ACER3: variants seen among roughly 807,000 people sequenced by gnomAD.
ACER3 encodes the protein alkCDase 3.
A neutral mutation model predicts 48.9 loss-of-function variants in ACER3; 16 were observed. The observed-to-expected ratio is 0.33, with a 90% CI of 0.22 to 0.50. The LOEUF is 0.50. Ranked by LOEUF, ACER3 falls within the 20% of genes least tolerant of loss-of-function variation. The pLI is 0.98. For missense variants in ACER3, 227 were observed against 326.0 expected (o/e 0.70, Z 2.34); for synonymous variants, 109 against 107.8 (o/e 1.01, Z -0.07).
At chr11:76,890,135 G>T (rs916037754) in intron 1 of ACER3, among the ~76,000 whole-genome samples, 5 of 152,030 alleles carry the variant, frequency 3.3e-5, no homozygotes, top group Non-Finnish European at 7.4e-5. Flanking sequence ...GTCTATGAGG[G>T]GAGGGCCCCT....
chr11:77,009,748 C>T (rs1191118322), intron 7 of ACER3, among the ~76,000 whole-genome samples: 1 of 152,124 alleles, frequency 6.6e-6, no homozygotes, highest in Non-Finnish European at 1.5e-5. Context: ...GGAGCCAAGG[C>T]TGCAGTGAGT....
At chr11:76,893,598 T>A (rs558084513) in intron 1 of ACER3, among the ~76,000 whole-genome samples, 45 of 152,180 alleles carry the variant, frequency 3.0e-4, no homozygotes, top group Middle Eastern at 6.8e-3. Context: ...GGCAAAGGAA[T>A]GCTTGAGCCC....
chr11:77,005,998 T>TATATATATATACATATATATATATATATA, intron 7 of ACER3, among the ~76,000 whole-genome samples: 1 of 103,982 alleles, frequency 9.6e-6, no homozygotes, highest in African/African-American at 3.1e-5. Context: ...TATATTTTTT[T>TATATATATATACATATATATATATATATA]TTTTTTTTGA....
rs187400968 is a variant in ACER3 at position 77,005,225 on chromosome 11, A to G, written c.497+6404A>G. On this transcript the variant is annotated intron_variant, in intron 7 of 10. Transcript: ENST00000532485. The stretch of plus-strand genomic sequence containing the variant: ...CTAATTTTTTGTATTTTTAGTAGAG[A>G]CGGGTTTCACCGTGTTAGCCAGGAT... 1.7e-3 allele frequency among the ~76,000 whole-genome samples: 264 copies of G among 151,914 alleles called. 3 individuals carry two copies. In the East Asian group the frequency reaches 0.038, roughly 22 times the overall value.
At chr11:76,890,924 C>A (rs550786263) in intron 1 of ACER3, among the ~76,000 whole-genome samples, 2 of 151,728 alleles carry the variant, frequency 1.3e-5, no homozygotes, top group Admixed American at 1.3e-4. Context: ...GTTCGAGACC[C>A]GTGGCCAATA....
intron 2 of ACER3, among the ~76,000 whole-genome samples, chr11:76,934,126 G>A (rs991271085): frequency 9.9e-5 from 15 of 151,352 alleles, no homozygotes; most frequent in Non-Finnish European, 1.8e-4. Flanking sequence ...TTCCTAGATG[G>A]GAGGGCGGCC....
chr11:76,994,520 C>T (rs756884464), intron 6 of ACER3, among the ~76,000 whole-genome samples: 38 of 152,242 alleles, frequency 2.5e-4, no homozygotes, highest in Non-Finnish European at 4.1e-4. Flanking sequence ...CCTGCCTTGG[C>T]ATCCCAAAGT....
intron 2 of ACER3, among the ~76,000 whole-genome samples, chr11:76,936,205 A>G (rs975167929): frequency 4.6e-5 from 7 of 152,228 alleles, no homozygotes; most frequent in Non-Finnish European, 1.0e-4. Flanking sequence ...TTAGAATAGT[A>G]TAGCACTGAT....
At chr11:77,019,927 C>A in intron 10 of ACER3, 151 bp downstream of exon 10, 1 of 793,146 alleles carries the variant, frequency 1.3e-6, no homozygotes, top group Non-Finnish European at 2.1e-6. Context: ...TTTACTACTG[C>A]ATGTTCTTGG....
At position 77,025,216 on chromosome 11, in the gene ACER3, G is replaced by C. The variant is rs977533514; in HGVS notation, c.*4889G>C. 2.6e-5 allele frequency: 4 copies of C among 151,816 alleles called. No individual in the cohort carries two copies. The highest frequency in any genetic ancestry group is 9.7e-5 in the African/African-American group (4 of 41,280). The allele number at this position is 151,816 out of a possible 1,614,324, so 9.4% of individuals were successfully genotyped here. On this transcript the variant is annotated 3_prime_UTR_variant, in exon 11 of 11. Coordinates refer to ENST00000532485, the MANE Select transcript of ACER3 (RefSeq NM_018367.7). ...AGAAATCTTTAAGCATATACATATG[G>C]TTCCCTATAAGCATTCATTCAGAGA...
At chr11:76,942,869 T>C (rs1014437565) in intron 2 of ACER3, among the ~76,000 whole-genome samples, 1 of 152,060 alleles carries the variant, frequency 6.6e-6, no homozygotes, top group African/African-American at 2.4e-5. Context: ...TCACTAGTAA[T>C]TATTGATCTA....
In ACER3 at chr11:77,009,821, AAGAG is replaced by A. The variant is rs141987581; in HGVS notation, c.498-5181_498-5178del. Among the ~76,000 whole-genome samples the A allele has an allele frequency of 2.8e-3, 424 of 151,138 alleles. 1 individual carries two copies. The highest frequency in any genetic ancestry group is 6.2e-3 in the African/African-American group (254 of 41,208). On this transcript the variant is annotated intron_variant, in intron 7 of 10. Coordinates refer to ENST00000532485, the MANE Select transcript of ACER3 (RefSeq NM_018367.7). ...GTGAGACCCTGTCTCAATAAAAAGAAAGAGAGAGAGAGAGAGATTGTGGTAAACT... is the reference window on the plus strand; with the variant it reads ...GTGAGACCCTGTCTCAATAAAAAGAAAGAGAGAGAGAGATTGTGGTAAACT...
At chr11:76,908,912 C>T (rs897404100) in intron 1 of ACER3, among the ~76,000 whole-genome samples, 1 of 151,966 alleles carries the variant, frequency 6.6e-6, no homozygotes, top group East Asian at 1.9e-4. Context: ...GGTACTGGTA[C>T]CAAAACAGAT....
chr11:76,971,250 C>T (rs867040016), intron 3 of ACER3, among the ~76,000 whole-genome samples: 1 of 152,058 alleles, frequency 6.6e-6, no homozygotes, highest in South Asian at 2.1e-4. Context: ...GTCTATAAAA[C>T]ACACTAATAG....
chr11:76,929,038 A>G (rs939120180), intron 2 of ACER3, among the ~76,000 whole-genome samples: 1 of 152,198 alleles, frequency 6.6e-6, no homozygotes, highest in African/African-American at 2.4e-5. Flanking sequence ...TTGAATCTAT[A>G]AATTACTTTG....
chr11:76,907,010 AAAAG>A (rs1946250487), intron 1 of ACER3, among the ~76,000 whole-genome samples: 1 of 152,234 alleles, frequency 6.6e-6, no homozygotes, highest in Non-Finnish European at 1.5e-5. Context: ...CAATTGAAAA[AAAAG>A]CGTCACGTTG....
At chr11:76,916,940 C>A (rs1421381887) in intron 1 of ACER3, among the ~76,000 whole-genome samples, 1 of 152,120 alleles carries the variant, frequency 6.6e-6, no homozygotes, top group Non-Finnish European at 1.5e-5. Context: ...AGTCATTCCC[C>A]TCCCCTGTAA....
intron 2 of ACER3, among the ~76,000 whole-genome samples, chr11:76,927,093 C>T (rs1344882092): frequency 6.6e-6 from 1 of 152,118 alleles, no homozygotes; most frequent in Admixed American, 6.5e-5. Context: ...GAATTTGATG[C>T]TTATCATTTT....
intron 8 of ACER3, among the ~76,000 whole-genome samples, chr11:77,016,469 A>G (rs1248377086): frequency 6.6e-6 from 1 of 152,210 alleles, no homozygotes; most frequent in African/African-American, 2.4e-5. Context: ...GAGGGTTTAG[A>G]TGACACAGAT....
Sources: gnomAD v4.1 joint callset for allele counts (sites outside exome capture counted in the v4.1 genomes callset) on GRCh38, gnomAD v4.1.1 for gene constraint, MANE v1.5 for transcripts, NCBI Gene and HGNC (gene_info 2026-07-23, HGNC 2026-07-21) for gene names.